Variants in NCAM2 observed in about 807,000 individuals in gnomAD.
NCAM2 encodes the protein N-CAM-2.
Under a neutral mutation model 98.1 loss-of-function variants are expected in NCAM2, and 30 were observed. The observed-to-expected ratio is 0.31, with a 90% CI of 0.23 to 0.41. The LOEUF is 0.41. NCAM2 is among the 10% of genes least tolerant of loss of function. The probability of loss-of-function intolerance (pLI) is 1.00; values close to 1 mark genes in which losing one functional copy is unlikely to be tolerated. For missense variants in NCAM2, 867 were observed against 1,005.8 expected, an observed-to-expected ratio of 0.86 and a Z score of 1.87; for synonymous variants, 368 against 342.4, an observed-to-expected ratio of 1.07 and a Z score of -0.83.
chr21:21,143,364 C>CT (rs1369289955), intron 1 of NCAM2, among the ~76,000 whole-genome samples: 1 of 152,120 alleles, frequency 6.6e-6, no homozygotes, highest in Non-Finnish European at 1.5e-5. Flanking sequence ...CATATTAACT[C>CT]TGATTCTTCA....
At chr21:21,469,059 C>G (rs184291472) in intron 14 of NCAM2, among the ~76,000 whole-genome samples, 1 of 151,696 alleles carries the variant, frequency 6.6e-6, no homozygotes, top group African/African-American at 2.4e-5. Context: ...GATATTATTT[C>G]CCCTGTTTTG....
At chr21:21,225,227 C>T (rs553330002) in intron 1 of NCAM2, among the ~76,000 whole-genome samples, 22 of 151,932 alleles carry the variant, frequency 1.4e-4, no homozygotes, top group African/African-American at 2.4e-4. Flanking sequence ...TGACACAGGG[C>T]GGGGAACAAC....
intron 10 of NCAM2, among the ~76,000 whole-genome samples, chr21:21,414,268 A>G (rs2076943075): frequency 6.6e-6 from 1 of 152,134 alleles, no homozygotes; most frequent in Admixed American, 6.5e-5. Context: ...AAAGTCATCC[A>G]TGAGGGTTGG....
intron 6 of NCAM2, among the ~76,000 whole-genome samples, chr21:21,331,146 T>G (rs2074664818): frequency 6.6e-6 from 1 of 151,970 alleles, no homozygotes; most frequent in African/African-American, 2.4e-5. Context: ...TTCTCCCTCT[T>G]GTTTTATTTA....
chr21:21,290,412 T>C (rs2073249445), intron 4 of NCAM2, among the ~76,000 whole-genome samples: 1 of 151,924 alleles, frequency 6.6e-6, no homozygotes, highest in African/African-American at 2.4e-5. Flanking sequence ...CAGGAGTTTC[T>C]GGTTATTTCA....
chr21:21,214,362 T>C (rs2069780258), intron 1 of NCAM2, among the ~76,000 whole-genome samples: 2 of 152,132 alleles, frequency 1.3e-5, no homozygotes, highest in African/African-American at 4.8e-5. Flanking sequence ...ATATCTCATT[T>C]TGGAGAAGCA....
chr21:21,365,359 G>C (rs986569947), intron 8 of NCAM2, among the ~76,000 whole-genome samples: 1 of 151,634 alleles, frequency 6.6e-6, no homozygotes, highest in Admixed American at 6.6e-5. Context: ...TAAACTAAAA[G>C]TTGTTCCCAA....
chr21:21,184,058 A>G (rs2068561388), intron 1 of NCAM2, among the ~76,000 whole-genome samples: 1 of 152,126 alleles, frequency 6.6e-6, no homozygotes, highest in African/African-American at 2.4e-5. Flanking sequence ...TTCGTTTTCT[A>G]ATACTTATAT....
intron 1 of NCAM2, among the ~76,000 whole-genome samples, chr21:21,212,448 T>C (rs2069693444): frequency 6.6e-6 from 1 of 152,154 alleles, no homozygotes; most frequent in Non-Finnish European, 1.5e-5. Context: ...AGAGAGATCA[T>C]TGTGATGATG....
chr21:21,519,508 T>C (rs1268138551), intron 16 of NCAM2, among the ~76,000 whole-genome samples: 1 of 152,068 alleles, frequency 6.6e-6, no homozygotes, highest in Non-Finnish European at 1.5e-5. Context: ...ATGATGTTGT[T>C]TGGTTGTGCA....
At chr21:21,373,435 G>C (rs561502276) in intron 8 of NCAM2, among the ~76,000 whole-genome samples, 3 of 152,038 alleles carry the variant, frequency 2.0e-5, no homozygotes, top group Non-Finnish European at 4.4e-5. Flanking sequence ...AAGGGGAAAA[G>C]TGTAAAACAC....
intron 1 of NCAM2, among the ~76,000 whole-genome samples, chr21:21,124,681 C>T (rs1364902391): frequency 6.6e-6 from 1 of 152,152 alleles, no homozygotes; most frequent in African/African-American, 2.4e-5. Context: ...AGTTTAAGTA[C>T]CTTTTTTTCT....
chr21:21,427,329 T>G (rs2077236692), intron 11 of NCAM2, among the ~76,000 whole-genome samples: 1 of 152,128 alleles, frequency 6.6e-6, no homozygotes, highest in African/African-American at 2.4e-5. Context: ...AAGAAAAATT[T>G]TGGAGAAGAC....
intron 8 of NCAM2, among the ~76,000 whole-genome samples, chr21:21,350,864 G>T (rs2075314706): frequency 6.7e-6 from 1 of 150,222 alleles, no homozygotes; most frequent in African/African-American, 2.5e-5. Flanking sequence ...GAGGCAGGTG[G>T]ATCACGAGGT....
intron 8 of NCAM2, among the ~76,000 whole-genome samples, chr21:21,371,170 G>A (rs137882916): frequency 6.6e-6 from 1 of 151,924 alleles, no homozygotes; most frequent in African/African-American, 2.4e-5. Context: ...AACTTACAGG[G>A]AGGGAAAACA....
At chr21:21,200,367 G>T (rs547535438) in intron 1 of NCAM2, among the ~76,000 whole-genome samples, 27 of 148,338 alleles carry the variant, frequency 1.8e-4, no homozygotes, top group African/African-American at 6.7e-4. Context: ...TCAACTCTCA[G>T]GAATGGGTTC....
intron 5 of NCAM2, among the ~76,000 whole-genome samples, chr21:21,322,656 A>G (rs892807228): frequency 6.6e-6 from 1 of 152,078 alleles, no homozygotes; most frequent in Non-Finnish European, 1.5e-5. Flanking sequence ...AATTTGAAGG[A>G]ATTAGTGGGT....
chr21:21,241,666 G>A (rs535233413), intron 1 of NCAM2, among the ~76,000 whole-genome samples: 8 of 151,982 alleles, frequency 5.3e-5, no homozygotes, highest in Non-Finnish European at 1.0e-4. Flanking sequence ...GGTTGTAAAG[G>A]GCTTATTCCA....
chr21:21,320,745 C>T (rs2074354377), intron 5 of NCAM2, among the ~76,000 whole-genome samples: 1 of 152,050 alleles, frequency 6.6e-6, no homozygotes, highest in Non-Finnish European at 1.5e-5. Context: ...TCATTCTTTA[C>T]CTCATATAAG....
Sources: gnomAD v4.1 joint callset for allele counts (sites outside exome capture counted in the v4.1 genomes callset) on GRCh38, gnomAD v4.1.1 for gene constraint, MANE v1.5 for transcripts, NCBI Gene and HGNC (gene_info 2026-07-23, HGNC 2026-07-21) for gene names.